Variants in TRIM2 observed in about 807,000 individuals in gnomAD.
TRIM2 encodes tripartite motif containing 2, also known as tripartite motif-containing protein 2.
TRIM2 carries 20 observed loss-of-function variants against 75.2 expected under a neutral mutation model. That is an observed-to-expected ratio of 0.27 (90% CI 0.19 to 0.39). The LOEUF (loss-of-function observed/expected upper bound fraction) is 0.39. Among genes scored for constraint, TRIM2 ranks in the 10% least tolerant of loss-of-function variants. TRIM2 has a pLI of 1.00. For synonymous variants in TRIM2, 373 were observed against 388.3 expected (o/e 0.96, Z 0.46); for missense variants, 660 against 990.8 (o/e 0.67, Z 4.48).
At chr4:153,325,374 G>A (rs1383634270) in intron 10 of TRIM2, among the ~76,000 whole-genome samples, 1 of 152,174 alleles carries the variant, frequency 6.6e-6, no homozygotes, top group Non-Finnish European at 1.5e-5. Flanking sequence ...TGGTGGCATA[G>A]GTCCCCCCTA....
intron 1 of TRIM2, among the ~76,000 whole-genome samples, chr4:153,190,330 G>T (rs1733053237): frequency 6.6e-6 from 1 of 152,204 alleles, no homozygotes; most frequent in Non-Finnish European, 1.5e-5. Context: ...GATAGTGGTG[G>T]GTATGACTTG....
intron 6 of TRIM2, chr4:153,310,010 C>T (rs1765902139): frequency 6.6e-6 from 1 of 152,022 alleles, no homozygotes; most frequent in Admixed American, 6.5e-5. Context: ...TAAGGGTTCA[C>T]CTTATGTAAT....
chr4:153,323,348 T>A lies in TRIM2; in HGVS notation c.1951+532T>A, dbSNP rs544893052. Among the ~76,000 whole-genome samples, 785 of 152,372 alleles carry A rather than the reference T, an allele frequency of 5.2e-3. 6 individuals are homozygous for A. The highest frequency in any genetic ancestry group is 7.5e-3 in the Non-Finnish European group (508 of 68,040). Reference sequence around the variant, plus strand: ...CAAGAAGAGGCTGAAAATAGCTTATTAATTTTCTTTTTGAAAGGATGCTTT... The same window carrying A: ...CAAGAAGAGGCTGAAAATAGCTTATAAATTTTCTTTTTGAAAGGATGCTTT... On this transcript the variant is annotated intron_variant, in intron 9 of 11. Coordinates refer to ENST00000338700, the MANE Select transcript of TRIM2 (RefSeq NM_015271.5).
chr4:153,200,956 T>C (rs1243381812), upstream of TRIM2, among the ~76,000 whole-genome samples: 2 of 151,520 alleles, frequency 1.3e-5, no homozygotes, highest in African/African-American at 2.4e-5. Flanking sequence ...CTGGTCTCAT[T>C]TGGTTTTTTG....
chr4:153,199,940 A>ATTTT (rs34958420), upstream of TRIM2, among the ~76,000 whole-genome samples: 15 of 122,186 alleles, frequency 1.2e-4, no homozygotes, highest in Admixed American at 8.0e-4. Flanking sequence ...TGGCCAGCTA[A>ATTTT]TTTTTTTTTT....
At chr4:153,195,645 C>T (rs993961219) in intron 1 of TRIM2, among the ~76,000 whole-genome samples, 3 of 152,212 alleles carry the variant, frequency 2.0e-5, no homozygotes, top group Admixed American at 2.0e-4. Flanking sequence ...TATGTTATGG[C>T]AGCTCAGGAA....
intron 8 of TRIM2, among the ~76,000 whole-genome samples, chr4:153,318,817 C>T (rs1236431413): frequency 1.3e-5 from 2 of 152,120 alleles, no homozygotes; most frequent in African/African-American, 4.8e-5. Context: ...CTGTAATAGA[C>T]ACTCTTAGAA....
chr4:153,154,868 A>G (rs2149584004), intron 1 of TRIM2, among the ~76,000 whole-genome samples: 1 of 152,324 alleles, frequency 6.6e-6, no homozygotes, highest in East Asian at 1.9e-4. Flanking sequence ...GGCCAGGCAC[A>G]GTGGCTCACG....
At chr4:153,249,615 C>T (rs1750315285) in intron 1 of TRIM2, among the ~76,000 whole-genome samples, 1 of 151,232 alleles carries the variant, frequency 6.6e-6, no homozygotes, top group African/African-American at 2.5e-5. Flanking sequence ...CCTCGGCCAC[C>T]TCCCTGCTCC....
Position 153,248,052 on chromosome 4 carries a change from G to A in TRIM2, c.31-22283G>A, listed in dbSNP as rs1749791004. Among the ~76,000 whole-genome samples the A allele has an allele frequency of 6.6e-6, 1 of 150,826 alleles. No homozygotes were observed. The highest frequency in any genetic ancestry group is 2.4e-5 in the African/African-American group (1 of 40,826). On this transcript the variant is annotated intron_variant, in intron 1 of 11. Transcript: ENST00000338700. This position sits in a 1 kb window ranked among gnomAD's most constrained non-coding sequence, Gnocchi z 4.0. ...GCTCTGTCCCCCAGGCTGGAGTGCG[G>A]TGACACAGTCTCTGCTCACTGGCGC...
chr4:153,244,564 C>A (rs1363903922), intron 1 of TRIM2, among the ~76,000 whole-genome samples: 1 of 151,052 alleles, frequency 6.6e-6, no homozygotes, highest in Non-Finnish European at 1.5e-5. Context: ...CCTAGCAACA[C>A]ATAGTTTTTT....
chr4:153,162,580 C>A (rs553051949), intron 1 of TRIM2, among the ~76,000 whole-genome samples: 1 of 152,176 alleles, frequency 6.6e-6, no homozygotes, highest in Non-Finnish European at 1.5e-5. Flanking sequence ...GCAAAAAGAC[C>A]CCCATAGAAA....
intron 1 of TRIM2, among the ~76,000 whole-genome samples, chr4:153,208,700 A>G (rs1475091946): frequency 6.6e-6 from 1 of 152,168 alleles, no homozygotes; most frequent in Non-Finnish European, 1.5e-5. Context: ...TTATCGGGCT[A>G]TGATGAGAAT....
intron 1 of TRIM2, among the ~76,000 whole-genome samples, chr4:153,263,792 G>A (rs1219113645): frequency 6.6e-6 from 1 of 152,186 alleles, no homozygotes; most frequent in Non-Finnish European, 1.5e-5. Flanking sequence ...TTCTAGTGAG[G>A]CCCTCTTCTG....
In TRIM2 at chr4:153,176,891, G is replaced by A. The variant is rs536495356; in HGVS notation, c.-49+23621G>A. Among the ~76,000 whole-genome samples the A allele has an allele frequency of 5.3e-5, 8 of 152,298 alleles. No homozygotes were observed. The East Asian group carries it at 1.5e-3, about 29-fold the overall frequency. On this transcript the variant is annotated intron_variant, in intron 1 of 11. Coordinates refer to the TRIM2 transcript ENST00000437508. ...TTCCCTAATTGCTGTGATTACAGGT[G>A]TGAGCCACCGCACCTAGCCTACATG...
intron 6 of TRIM2, 119 bp from the exon 7 acceptor site, chr4:153,315,366 A>G (rs769000989): frequency 1.5e-5 from 11 of 752,486 alleles, no homozygotes; most frequent in Non-Finnish European, 2.3e-5. Flanking sequence ...CTTTTTTTAA[A>G]GTATATTTAA....
At chr4:153,179,945 C>T (rs1353175401) in intron 1 of TRIM2, among the ~76,000 whole-genome samples, 4 of 152,044 alleles carry the variant, frequency 2.6e-5, no homozygotes, top group South Asian at 2.1e-4. Flanking sequence ...TAAATCTATA[C>T]GGTTAATTGG....
intron 1 of TRIM2, among the ~76,000 whole-genome samples, chr4:153,210,083 G>A (rs1402994500): frequency 3.2e-5 from 1 of 31,472 alleles, no homozygotes; most frequent in African/African-American, 1.0e-4. Context: ...TTTTTTTTTT[G>A]AGATGGAGTC....
At chr4:153,307,040 A>C (rs186280808) in intron 6 of TRIM2, among the ~76,000 whole-genome samples, 1 of 152,272 alleles carries the variant, frequency 6.6e-6, no homozygotes, top group Admixed American at 6.5e-5. Context: ...TGAAAACTTA[A>C]GTGTATGCCC....
Sources: allele counts gnomAD v4.1 joint callset (sites outside exome capture counted in the v4.1 genomes callset), GRCh38; gene constraint gnomAD v4.1.1; non-coding constraint Gnocchi (gnomAD v3.1); transcripts MANE v1.5; gene names NCBI Gene and HGNC (gene_info 2026-07-23, HGNC 2026-07-21).